The following FBXO33 variants were observed in gnomAD, a reference collection of about 807,000 sequenced individuals.
FBXO33 encodes F-box protein 33.
FBXO33 carries 22 observed loss-of-function variants against 46.3 expected under a neutral mutation model. The ratio of observed to expected loss-of-function variants is 0.48; its 90% CI spans 0.34 to 0.68. FBXO33 has a LOEUF of 0.68. Among genes scored for constraint, FBXO33 ranks in the 30% least tolerant of loss-of-function variants. The probability of loss-of-function intolerance (pLI) is 0.01; values close to 1 mark genes in which losing one functional copy is unlikely to be tolerated. For missense variants in FBXO33, 692 were observed against 708.8 expected, an observed-to-expected ratio of 0.98 and a Z score of 0.27; for synonymous variants, 337 against 291.3, an observed-to-expected ratio of 1.16 and a Z score of -1.60.
At position 39,399,862 on chromosome 14, in the gene FBXO33, C is replaced by T. The variant is rs558880505; in HGVS notation, c.1397-75G>A. 6.6e-5 allele frequency: 93 copies of T among 1,413,690 alleles called. 1 individual carries two copies. The East Asian group carries it at 2.1e-3, about 31-fold the overall frequency. 87.6% of individuals were successfully genotyped at this position (1,413,690 alleles called of 1,614,324 possible). On this transcript the variant is annotated intron_variant, in intron 3 of 3. Coordinates refer to ENST00000298097, the MANE Select transcript of FBXO33 (RefSeq NM_203301.4). Reference sequence around the variant, plus strand: ...CTCTTTGGTAAGTCTGTCTTTTCCTCATTCAAAGCTTCTAGAGAAGCTTCA... The same window carrying T: ...CTCTTTGGTAAGTCTGTCTTTTCCTTATTCAAAGCTTCTAGAGAAGCTTCA...
chr14:39,405,108 C>A (rs2075388382), intron 1 of FBXO33, among the ~76,000 whole-genome samples: 1 of 145,708 alleles, frequency 6.9e-6, no homozygotes, highest in East Asian at 2.0e-4. Flanking sequence ...GAGATCACGC[C>A]ATTGCGTGTG....
intron 2 of FBXO33, 66 bp from the exon 3 acceptor site, chr14:39,401,927 T>C (rs968814918): frequency 3.0e-6 from 4 of 1,323,880 alleles, no homozygotes; most frequent in Non-Finnish European, 4.2e-6. Flanking sequence ...AACACTGACT[T>C]TTGAAAATAG....
Position 39,431,798 on chromosome 14 carries a change from T to A in FBXO33, c.365A>T (p.Gln122Leu). 6.2e-7 allele frequency: 1 copy of A among 1,611,982 alleles called. No individual in the cohort carries two copies. Among genetic ancestry groups the A allele is most frequent in the Non-Finnish European group, 8.5e-7 (1 of 1,179,918 alleles). The change falls in exon 1 of 4, where the codon CAG becomes CTG. Residue 122 changes from glutamine (Q) to leucine (L), a missense_variant. Transcript: ENST00000298097. ...GCGCATGAGGAATTCCAGCCGAGGC[T>A]GCTCCGCGGGCGAGACGCGGAGGCA... is the stretch of plus-strand genomic sequence containing the variant. ...RICLRVSPAEQPRLEFLMRKC... is the reference protein window; with the variant it reads ...RICLRVSPAELPRLEFLMRKC...
Position 39,399,533 on chromosome 14 carries a change from A to G in FBXO33, c.1651T>C (p.Phe551Leu). 6.2e-7 allele frequency: 1 copy of G among 1,611,160 alleles called. No individual in the cohort carries two copies. The highest frequency in any genetic ancestry group is 8.5e-7 in the Non-Finnish European group (1 of 1,178,022). ...AAAAAAAGCTAAATGTCTTCACTGA[A>G]GCTTTGCATCTCTCTGTAAAAATGA... ...NRHFYREMQS[F>L]SEDI The change falls in exon 4 of 4, where the codon TTC (phenylalanine) becomes CTC (leucine). Residue 551 changes from phenylalanine (F) to leucine (L), a missense_variant. Phe to Leu is a conservative substitution (Grantham distance 22, BLOSUM62 0). Transcript: ENST00000298097.
In FBXO33 at chr14:39,432,007, G is replaced by A. The variant is rs1215588805; in HGVS notation, c.156C>T (p.Gly52=). Residue 52 remains glycine, a synonymous_variant, in exon 1 of 4, where the codon GGC becomes GGT. Coordinates refer to ENST00000298097, the MANE Select transcript of FBXO33 (RefSeq NM_203301.4). ...LRVLRGRPGA[G]SRRRGRMALC... ...GAGCCATCCGGCCCCGCCGCCGGCT[G>A]CCGGCTCCCGGCCGCCCCCGCAGTA... The A allele has an allele frequency of 8.5e-6, 12 of 1,416,878 alleles. No individual in the cohort carries two copies. The South Asian group carries it at 1.6e-4, about 19-fold the overall frequency. The allele number at this position is 1,416,878 out of a possible 1,614,324, so 87.8% of individuals were successfully genotyped here. A position where few individuals can be genotyped will look rare whatever the true frequency, so the allele number is the denominator to read the frequency against.
chr14:39,401,695 T>G lies in FBXO33; in HGVS notation c.877A>C (p.Asn293His). 6.2e-7 allele frequency: 1 copy of G among 1,614,244 alleles called. No individual in the cohort carries two copies. Among genetic ancestry groups the G allele is most frequent in the Non-Finnish European group, 8.5e-7 (1 of 1,180,048 alleles). ...LSLLDNNIPG[N>H]STLITAVELE... is the part of the protein sequence containing the mutation. ...TCAACTGCAGTAATAAGAGTGCTGT[T>G]ACCAGGAATATTATTGTCCAGTAAA... The change falls in exon 3 of 4, where the codon AAC becomes CAC. Residue 293 changes from asparagine to histidine, a missense_variant. Asn to His is a moderately conservative substitution (Grantham distance 68). Transcript: ENST00000298097.
rs1004213358 is a variant in FBXO33 at position 39,398,354 on chromosome 14, G to A, written c.*1162C>T. 3 of 152,124 alleles carry A rather than the reference G, an allele frequency of 2.0e-5. No individual in the cohort carries two copies. The highest frequency in any genetic ancestry group is 4.4e-5 in the Non-Finnish European group (3 of 68,010). 9.4% of individuals were successfully genotyped at this position (152,124 alleles called of 1,614,324 possible). A position where few individuals can be genotyped will look rare whatever the true frequency, so the allele number is the denominator to read the frequency against. ...GGTTTTAAAACATACTTCATGGAATGTTCTTCATGTATCATAGCAGCTCAT... is the reference window on the plus strand; with the variant it reads ...GGTTTTAAAACATACTTCATGGAATATTCTTCATGTATCATAGCAGCTCAT... On this transcript the variant is annotated 3_prime_UTR_variant, in exon 4 of 4. Transcript: ENST00000298097.
Position 39,398,639 on chromosome 14 carries a change from A to C in FBXO33, c.*877T>G, listed in dbSNP as rs1357737720. The C allele has an allele frequency of 6.6e-6, 1 of 152,586 alleles. No homozygotes were observed. Among genetic ancestry groups the C allele is most frequent in the Non-Finnish European group, 1.5e-5 (1 of 68,026 alleles). The allele number at this position is 152,586 out of a possible 1,614,324, so 9.5% of individuals were successfully genotyped here. On this transcript the variant is annotated 3_prime_UTR_variant, in exon 4 of 4. Coordinates refer to ENST00000298097, the MANE Select transcript of FBXO33 (RefSeq NM_203301.4). Reference sequence around the variant, plus strand: ...ATGTGGGCACTTCTTCATTAAGTCTATTCTTTGGCAGCTGACACGCGTGCT... The same window carrying C: ...ATGTGGGCACTTCTTCATTAAGTCTCTTCTTTGGCAGCTGACACGCGTGCT...
At chr14:39,424,760 G>A (rs1344754320) in intron 1 of FBXO33, among the ~76,000 whole-genome samples, 1 of 152,168 alleles carries the variant, frequency 6.6e-6, no homozygotes, top group Non-Finnish European at 1.5e-5. Flanking sequence ...TACAACTTAA[G>A]TATGTATGTT....
intron 1 of FBXO33, among the ~76,000 whole-genome samples, chr14:39,425,667 T>C (rs981831237): frequency 1.3e-5 from 2 of 152,216 alleles, no homozygotes; most frequent in Non-Finnish European, 2.9e-5. Context: ...AAAATGCTAA[T>C]GAACGGTCAT....
intron 1 of FBXO33, among the ~76,000 whole-genome samples, chr14:39,419,269 A>T (rs1230762925): frequency 2.0e-5 from 3 of 152,242 alleles, no homozygotes; most frequent in African/African-American, 7.2e-5. Flanking sequence ...AACATTTGCA[A>T]AAAACGCTTT....
At chr14:39,403,251 C>G (rs186409690) in intron 1 of FBXO33, among the ~76,000 whole-genome samples, 1 of 152,152 alleles carries the variant, frequency 6.6e-6, no homozygotes. Flanking sequence ...TAAAGAGAAC[C>G]TTCTCCAGTT....
At chr14:39,402,677 A>ATTT (rs58903755) in intron 1 of FBXO33, among the ~76,000 whole-genome samples, 166 bp from the exon 2 acceptor site, 11 of 83,108 alleles carry the variant, frequency 1.3e-4, no homozygotes, top group African/African-American at 3.3e-4. Flanking sequence ...ATATATTCAG[A>ATTT]TTTTTTTTTT....
chr14:39,415,268 C>A (rs546662098), intron 1 of FBXO33, among the ~76,000 whole-genome samples: 3 of 152,048 alleles, frequency 2.0e-5, no homozygotes, highest in Non-Finnish European at 4.4e-5. Context: ...CTGCACTCCA[C>A]CCCGGGTGTC....
intron 1 of FBXO33, among the ~76,000 whole-genome samples, chr14:39,413,458 T>G (rs1156638300): frequency 1.3e-5 from 2 of 152,226 alleles, no homozygotes; most frequent in Admixed American, 1.3e-4. Flanking sequence ...ATCAATCTCT[T>G]ACAAAGTCCT....
chr14:39,418,174 C>T (rs1054997931), intron 1 of FBXO33, among the ~76,000 whole-genome samples: 2 of 151,812 alleles, frequency 1.3e-5, no homozygotes, highest in Non-Finnish European at 2.9e-5. Context: ...CGTCATTCTC[C>T]TGCCTCAGCC....
chr14:39,423,345 G>A (rs1055289795), intron 1 of FBXO33, among the ~76,000 whole-genome samples: 1 of 152,088 alleles, frequency 6.6e-6, no homozygotes, highest in Non-Finnish European at 1.5e-5. Flanking sequence ...TGGACAACCC[G>A]TTTTGAAAAG....
chr14:39,421,786 AC>A (rs2075485776), intron 1 of FBXO33, among the ~76,000 whole-genome samples: 1 of 55,590 alleles, frequency 1.8e-5, no homozygotes, highest in East Asian at 8.7e-4. Context: ...CAAATCACAC[AC>A]ACACACACAC....
intron 1 of FBXO33, among the ~76,000 whole-genome samples, chr14:39,413,984 A>C (rs2075435816): frequency 6.6e-6 from 1 of 152,182 alleles, no homozygotes; most frequent in Admixed American, 6.6e-5. Context: ...AAGTGACCAG[A>C]TGCATTAACC....
Sources: allele counts gnomAD v4.1 joint callset (sites outside exome capture counted in the v4.1 genomes callset), GRCh38; gene constraint gnomAD v4.1.1; transcripts MANE v1.5; gene names NCBI Gene and HGNC (gene_info 2026-07-23, HGNC 2026-07-21).